Variants in CNTNAP2 observed in about 807,000 individuals in gnomAD.
CNTNAP2 encodes contactin-associated protein-like 2.
In CNTNAP2, 98 loss-of-function variants were observed where a neutral mutation model predicts 155.2. The observed-to-expected ratio is 0.63, with a 90% CI of 0.54 to 0.75. CNTNAP2 has a LOEUF of 0.75. CNTNAP2 is among the 30% of genes least tolerant of loss of function. The pLI is 0.00. For synonymous variants in CNTNAP2, 651 were observed against 631.2 expected (o/e 1.03, Z -0.47); for missense variants, 1,727 against 1,688.1 (o/e 1.02, Z -0.40).
intron 13 of CNTNAP2, among the ~76,000 whole-genome samples, chr7:147,888,671 T>C (rs1288724834): frequency 8.9e-6 from 1 of 111,908 alleles, no homozygotes; most frequent in Non-Finnish European, 2.2e-5. Context: ...TACAAAAGAA[T>C]TGAAATTAAA....
intron 14 of CNTNAP2, among the ~76,000 whole-genome samples, chr7:147,957,118 A>G (rs565008523): frequency 4.6e-5 from 7 of 152,204 alleles, no homozygotes; most frequent in African/African-American, 9.6e-5. Context: ...GAGACAGGGG[A>G]AAAAGTCTGT....
chr7:147,850,369 C>G (rs1208280907), intron 13 of CNTNAP2, among the ~76,000 whole-genome samples: 1 of 152,180 alleles, frequency 6.6e-6, no homozygotes, highest in Admixed American at 6.5e-5. Context: ...TCAGTGCCAT[C>G]CCAATCAAGC....
At chr7:147,551,220 T>A (rs765260213) in intron 11 of CNTNAP2, among the ~76,000 whole-genome samples, 15 of 152,230 alleles carry the variant, frequency 9.9e-5, no homozygotes, top group Admixed American at 2.6e-4. Flanking sequence ...AAATTGTTTT[T>A]CTTCTCATGC....
intron 11 of CNTNAP2, among the ~76,000 whole-genome samples, chr7:147,523,628 C>G (rs1799267445): frequency 6.6e-6 from 1 of 152,194 alleles, no homozygotes; most frequent in Admixed American, 6.5e-5. Flanking sequence ...CTCCTCCTCT[C>G]TGCTTCTGCA....
rs752967359 is a variant in CNTNAP2, at chr7:147,416,268, C to T, written c.1670+20488C>T. 3.0e-4 allele frequency among the ~76,000 whole-genome samples: 45 copies of T among 152,168 alleles called. 1 individual carries two copies. The highest frequency in any genetic ancestry group is 8.0e-4 in the African/African-American group (33 of 41,430). ...CATTCCCATGATTAAGGCCACACAG[C>T]CTGAAACTCATGCGTGATCATGAGC... On this transcript the variant is annotated intron_variant, in intron 10 of 23. Coordinates refer to ENST00000361727, the MANE Select transcript of CNTNAP2 (RefSeq NM_014141.6).
chr7:146,702,816 GC>G (rs1563195278), intron 1 of CNTNAP2, among the ~76,000 whole-genome samples: 1 of 152,018 alleles, frequency 6.6e-6, no homozygotes, highest in Admixed American at 6.6e-5. Flanking sequence ...TCAGATGCTT[GC>G]TCTAACGACC....
intron 3 of CNTNAP2, among the ~76,000 whole-genome samples, chr7:146,913,244 C>T (rs370235634): frequency 3.3e-5 from 5 of 152,214 alleles, no homozygotes; most frequent in African/African-American, 9.6e-5. Context: ...AGCTGACGTG[C>T]ATGGTATCTG....
intron 13 of CNTNAP2, among the ~76,000 whole-genome samples, chr7:147,835,250 C>T (rs375242836): frequency 4.6e-5 from 7 of 152,124 alleles, no homozygotes; most frequent in Non-Finnish European, 1.0e-4. Context: ...GAGGACAAAA[C>T]GTCAGCATGG....
chr7:146,706,207 A>G (rs977853841), intron 1 of CNTNAP2, among the ~76,000 whole-genome samples: 5 of 152,144 alleles, frequency 3.3e-5, no homozygotes, highest in Non-Finnish European at 5.9e-5. Context: ...GAGATGAAGT[A>G]ACCTTTTTCT....
chr7:146,973,836 T>C (rs1426463251), intron 3 of CNTNAP2, among the ~76,000 whole-genome samples: 1 of 152,148 alleles, frequency 6.6e-6, no homozygotes, highest in Non-Finnish European at 1.5e-5. Flanking sequence ...ATTTCCAAGG[T>C]GATCCCCCTT....
At chr7:146,621,053 C>T (rs369941410) in intron 1 of CNTNAP2, among the ~76,000 whole-genome samples, 351 of 152,130 alleles carry the variant, frequency 2.3e-3, no homozygotes, top group African/African-American at 6.9e-3. Context: ...ATCCATATAT[C>T]GATCTCAACT....
intron 8 of CNTNAP2, among the ~76,000 whole-genome samples, chr7:147,223,671 G>A (rs367906708): frequency 2.6e-5 from 4 of 152,106 alleles, no homozygotes; most frequent in South Asian, 2.1e-4. Context: ...GGCCAGGAGC[G>A]GTGGCTCACG....
At chr7:147,193,640 C>T (rs1020766134) in intron 8 of CNTNAP2, among the ~76,000 whole-genome samples, 9 of 152,166 alleles carry the variant, frequency 5.9e-5, no homozygotes, top group African/African-American at 2.2e-4. Flanking sequence ...GGAAGCCCTG[C>T]TAGGGTCAGT....
intron 13 of CNTNAP2, among the ~76,000 whole-genome samples, chr7:147,868,539 G>C (rs764750580): frequency 6.6e-6 from 1 of 152,234 alleles, no homozygotes; most frequent in Non-Finnish European, 1.5e-5. Flanking sequence ...TGCAGAAGTT[G>C]TCTGCTGCCT....
At chr7:146,747,546 A>T (rs944033620) in intron 1 of CNTNAP2, among the ~76,000 whole-genome samples, 36 of 152,178 alleles carry the variant, frequency 2.4e-4, no homozygotes, top group African/African-American at 8.0e-4. Context: ...TCATCATCAT[A>T]CAATTTTTCT....
intron 15 of CNTNAP2, among the ~76,000 whole-genome samples, chr7:148,012,161 T>C (rs1802092759): frequency 6.6e-6 from 1 of 152,088 alleles, no homozygotes; most frequent in Non-Finnish European, 1.5e-5. Flanking sequence ...CAAGTGATCT[T>C]CCCCCCTCAG....
intron 3 of CNTNAP2, among the ~76,000 whole-genome samples, chr7:147,024,652 G>A (rs1798869508): frequency 1.3e-5 from 2 of 152,130 alleles, no homozygotes; most frequent in South Asian, 4.1e-4. Flanking sequence ...ATGGGTCCTT[G>A]CACTATCAAA....
chr7:146,200,116 A>G (rs1162870161), intron 1 of CNTNAP2, among the ~76,000 whole-genome samples: 1 of 152,194 alleles, frequency 6.6e-6, no homozygotes, highest in Non-Finnish European at 1.5e-5. Flanking sequence ...TAGAGCCATT[A>G]TAAGCTGAAA....
intron 1 of CNTNAP2, among the ~76,000 whole-genome samples, chr7:146,380,688 A>T (rs894891240): frequency 6.8e-6 from 1 of 147,260 alleles, no homozygotes; most frequent in Admixed American, 6.9e-5. Flanking sequence ...GGGACAAATT[A>T]TTCTTTGTTT....
Sources: allele counts gnomAD v4.1 joint callset (sites outside exome capture counted in the v4.1 genomes callset), GRCh38; gene constraint gnomAD v4.1.1; transcripts MANE v1.5; gene names NCBI Gene and HGNC (gene_info 2026-07-23, HGNC 2026-07-21).